ZNF91: variants seen among roughly 807,000 people sequenced by gnomAD.
ZNF91 encodes the protein zinc finger protein 91 (HPF7, HTF10).
A neutral mutation model predicts 12.6 loss-of-function variants in ZNF91; 7 were observed. The ratio of observed to expected loss-of-function variants is 0.55; its 90% CI spans 0.31 to 1.04. ZNF91 has a LOEUF of 1.04. ZNF91 is among the 50% of genes least tolerant of loss of function. ZNF91 has a pLI of 0.05. For synonymous variants in ZNF91, 453 were observed against 462.6 expected (o/e 0.98, Z 0.27); for missense variants, 1,217 against 1,385.4 (o/e 0.88, Z 1.93).
chr19:23,361,043 C>G lies in ZNF91; in HGVS notation c.1936G>C (p.Ala646Pro), dbSNP rs750976691. The change falls in exon 4 of 4, where the codon GCT becomes CCT. Residue 646 changes from alanine to proline, a missense_variant. Ala to Pro is a conservative substitution (Grantham distance 27). Transcript: ENST00000300619. ...CCAGTATGAATTCTCTTATGTTTAG[C>G]AAGGGCTGAAGAATGGCTAAAAGCT... ...GKAFSHSSAL[A>P]KHKRIHTGEK... 1 of 1,589,642 alleles carries G rather than the reference C, an allele frequency of 6.3e-7. No homozygotes were observed. Among genetic ancestry groups the G allele is most frequent in the Non-Finnish European group, 8.6e-7 (1 of 1,166,532 alleles).
exon 3 of ZNF91, chr19:23,307,348 A>G (rs781234089): frequency 6.6e-6 from 1 of 152,060 alleles, no homozygotes; most frequent in Admixed American, 6.5e-5. Context: ...ATTGGGGCCT[A>G]TCTGCGAATC....
At chr19:23,365,952 C>G (rs1183490056) in intron 3 of ZNF91, among the ~76,000 whole-genome samples, 2 of 152,210 alleles carry the variant, frequency 1.3e-5, no homozygotes, top group African/African-American at 4.8e-5. Flanking sequence ...AGTGAAAAGT[C>G]TCCCATGTCT....
rs565078639 is a variant in ZNF91, at chr19:23,364,370, C to T, written c.254-1645G>A. Among the ~76,000 whole-genome samples the T allele has an allele frequency of 5.5e-4, 84 of 152,098 alleles. No individual in the cohort carries two copies. The South Asian group carries it at 0.012, about 21-fold the overall frequency. ...CTGAGGCAGGAGAATCACTTGAACCCGGAGGCAGTGGTTGTGGTGAGCCGA... is the reference window on the plus strand; with the variant it reads ...CTGAGGCAGGAGAATCACTTGAACCTGGAGGCAGTGGTTGTGGTGAGCCGA... On this transcript the variant is annotated intron_variant, in intron 3 of 3. Coordinates refer to ENST00000300619, the MANE Select transcript of ZNF91 (RefSeq NM_003430.4).
intron 3 of ZNF91, among the ~76,000 whole-genome samples, chr19:23,350,850 C>G (rs1335411907): frequency 6.6e-6 from 1 of 152,024 alleles, no homozygotes; most frequent in Non-Finnish European, 1.5e-5. Context: ...CTATAAAACC[C>G]CTGCCCTGTC....
chr19:23,374,870 T>C (rs1969447063), intron 1 of ZNF91, 106 bp from the exon 2 acceptor site: 4 of 1,516,736 alleles, frequency 2.6e-6, no homozygotes, highest in African/African-American at 2.8e-5. Flanking sequence ...TTCTGACTTA[T>C]AAGAGTGGCT....
intron 1 of ZNF91, among the ~76,000 whole-genome samples, chr19:23,330,838 CAG>C (rs1028245837): frequency 9.9e-5 from 15 of 152,116 alleles, no homozygotes; most frequent in African/African-American, 3.6e-4. Flanking sequence ...ACAAATAACT[CAG>C]AGTTTTTGCC....
At chr19:23,375,645 TCA>T (rs984472258) in intron 1 of ZNF91, among the ~76,000 whole-genome samples, 2 of 152,118 alleles carry the variant, frequency 1.3e-5, no homozygotes, top group African/African-American at 4.8e-5. Context: ...TGTGTTTTTT[TCA>T]GTTTTTCTGG....
intron 1 of ZNF91, among the ~76,000 whole-genome samples, chr19:23,322,705 TCA>T (rs1292739411): frequency 6.8e-6 from 1 of 148,066 alleles, no homozygotes; most frequent in Admixed American, 6.7e-5. Context: ...CTTCTCCTCC[TCA>T]CTTTTCTCCT....
intron 3 of ZNF91, among the ~76,000 whole-genome samples, chr19:23,344,939 G>A (rs1199194298): frequency 6.6e-6 from 1 of 152,170 alleles, no homozygotes; most frequent in Non-Finnish European, 1.5e-5. Flanking sequence ...TCAGCCTCCA[G>A]TCGCCTGTCT....
chr19:23,381,135 T>C (rs1401462484), intron 1 of ZNF91, among the ~76,000 whole-genome samples: 2 of 152,214 alleles, frequency 1.3e-5, no homozygotes, highest in Non-Finnish European at 2.9e-5. Flanking sequence ...ATATTAGATA[T>C]AAATATGTAA....
intron 1 of ZNF91, among the ~76,000 whole-genome samples, chr19:23,333,400 T>C (rs1360811419): frequency 6.6e-6 from 1 of 152,242 alleles, no homozygotes; most frequent in African/African-American, 2.4e-5. Flanking sequence ...TGAATTGGCT[T>C]GACTACTCAT....
intron 1 of ZNF91, among the ~76,000 whole-genome samples, chr19:23,385,706 C>T (rs959310775): frequency 2.6e-5 from 4 of 152,196 alleles, no homozygotes; most frequent in African/African-American, 9.7e-5. Context: ...TTTAACACCT[C>T]AGCCTTTTTT....
chr19:23,375,188 TCTCA>T (rs1049225384), intron 1 of ZNF91, among the ~76,000 whole-genome samples: 1 of 151,014 alleles, frequency 6.6e-6, no homozygotes, highest in African/African-American at 2.4e-5. Context: ...TGAGACAGAG[TCTCA>T]CTCTGTTGCC....
intron 1 of ZNF91, among the ~76,000 whole-genome samples, chr19:23,332,959 T>C (rs958290248): frequency 6.6e-6 from 1 of 152,162 alleles, no homozygotes; most frequent in Admixed American, 6.5e-5. Context: ...CATGTTCTCA[T>C]TGCAAAGGAT....
intron 3 of ZNF91, among the ~76,000 whole-genome samples, chr19:23,365,780 T>A (rs966431442): frequency 5.9e-5 from 9 of 152,054 alleles, no homozygotes; most frequent in Admixed American, 3.3e-4. Flanking sequence ...TTAACGAGCA[T>A]GCTGCCTGCA....
chr19:23,327,343 A>G (rs1252218468), intron 1 of ZNF91: 1 of 152,226 alleles, frequency 6.6e-6, no homozygotes, highest in Non-Finnish European at 1.5e-5. Flanking sequence ...CAAAAATTTA[A>G]CTTTCTTTTA....
chr19:23,344,936 C>T (rs573261602), intron 3 of ZNF91, among the ~76,000 whole-genome samples: 2 of 152,300 alleles, frequency 1.3e-5, no homozygotes, highest in South Asian at 2.1e-4. Flanking sequence ...TCCTCAGCCT[C>T]CAGTCGCCTG....
intron 2 of ZNF91, chr19:23,307,557 G>T (rs761154427): frequency 7.9e-5 from 12 of 152,178 alleles, no homozygotes; most frequent in Non-Finnish European, 1.6e-4. Context: ...CACAGTGAAG[G>T]TTGTGACAAA....
intron 3 of ZNF91, chr19:23,305,194 T>C (rs900789268): frequency 6.6e-6 from 1 of 151,476 alleles, no homozygotes; most frequent in African/African-American, 2.5e-5. Flanking sequence ...TTAACAGATA[T>C]AATATATGTA....
Sources: allele counts gnomAD v4.1 joint callset (sites outside exome capture counted in the v4.1 genomes callset), GRCh38; gene constraint gnomAD v4.1.1; transcripts MANE v1.5; gene names NCBI Gene and HGNC (gene_info 2026-07-23, HGNC 2026-07-21).